The following TCP1 variants were observed in gnomAD, a reference collection of about 807,000 sequenced individuals.
TCP1 encodes the protein t-complex 1, also known as T-complex protein 1 subunit alpha.
A neutral mutation model predicts 54.7 loss-of-function variants in TCP1; 6 were observed. That is an observed-to-expected ratio of 0.11 (90% CI 0.06 to 0.22). The LOEUF (loss-of-function observed/expected upper bound fraction) is 0.22. Ranked by LOEUF, TCP1 falls within the 10% of genes least tolerant of loss-of-function variation. The pLI is 1.00. For missense variants in TCP1, 511 were observed against 678.2 expected (o/e 0.75, Z 2.74); for synonymous variants, 225 against 229.7 (o/e 0.98, Z 0.19).
At chr6:159,783,600 C>T (rs1031270719) in intron 7 of TCP1, among the ~76,000 whole-genome samples, 2 of 152,108 alleles carry the variant, frequency 1.3e-5, no homozygotes, top group African/African-American at 4.8e-5. Flanking sequence ...GCAATGGTCA[C>T]ACTACCTCCA....
chr6:159,789,346 C>A (rs1780791647), intron 1 of TCP1, 59 bp downstream of exon 1: 11 of 1,598,396 alleles, frequency 6.9e-6, no homozygotes, highest in Non-Finnish European at 9.4e-6. Context: ...GGGGTCCGGT[C>A]GCGGTGGGAC....
In TCP1 at chr6:159,778,821, A is replaced by T. The variant is rs1207053465; in HGVS notation, c.*224T>A. On this transcript the variant is annotated 3_prime_UTR_variant, in exon 12 of 12. Coordinates refer to ENST00000321394, the MANE Select transcript of TCP1 (RefSeq NM_030752.3). ...GATGGGAATAGCAATGTGTGTTCAG[A>T]GAGAATGAATTGCTTAAACTTTGAA... 6.2e-7 allele frequency: 1 copy of T among 1,614,220 alleles called. No individual in the cohort carries two copies.
chr6:159,780,680 A>G, intron 8 of TCP1, 114 bp from the exon 9 acceptor site: 1 of 1,393,476 alleles, frequency 7.2e-7, no homozygotes, highest in Non-Finnish European at 9.8e-7. Flanking sequence ...GAATTTAGTT[A>G]GGCAGCACAC....
chr6:159,780,355 G>C, intron 9 of TCP1, 88 bp downstream of exon 9: 1 of 1,579,540 alleles, frequency 6.3e-7, no homozygotes. Context: ...ATCACTGTGA[G>C]ACTACAAGCA....
chr6:159,788,023 T>C, intron 2 of TCP1, 35 bp downstream of exon 2: 1 of 1,610,682 alleles, frequency 6.2e-7, no homozygotes. Flanking sequence ...TAGTTTTACT[T>C]TAAGGAAACT....
intron 7 of TCP1, among the ~76,000 whole-genome samples, chr6:159,782,811 A>G (rs536221617): frequency 1.3e-5 from 2 of 152,322 alleles, no homozygotes; most frequent in South Asian, 4.1e-4. Flanking sequence ...TATCCTGGAG[A>G]GTATTATGAC....
chr6:159,780,911 T>G, intron 8 of TCP1, 24 bp downstream of exon 8: 1 of 1,566,712 alleles, frequency 6.4e-7, no homozygotes, highest in Non-Finnish European at 8.6e-7. Flanking sequence ...AAGTATTTTA[T>G]GTGACAGCCA....
chr6:159,783,993 C>T lies in TCP1; in HGVS notation c.745G>A (p.Gly249Ser). Reference protein sequence around the residue: ...FSLQKTKMKLGVQVVITDPEK... With the variant: ...FSLQKTKMKLSVQVVITDPEK... ...GGGTCTGTAATGACCACCTGTACAC[C>T]AAGCTTCATTTTTGTTTTTTGCAGG... Residue 249 changes from glycine (G) to serine (S), a missense_variant, in exon 7 of 12, where the codon GGT (glycine) becomes AGT (serine). Around this residue, in one of 5 missense-constraint regions of TCP1, gnomAD observed 305 missense variants for 352.8 expected, o/e 0.86. Transcript: ENST00000321394. The T allele has an allele frequency of 4.3e-6, 7 of 1,613,126 alleles. No individual in the cohort carries two copies. Among genetic ancestry groups the T allele is most frequent in the South Asian group, 2.2e-5 (2 of 91,006 alleles).
chr6:159,778,972 TTAATGTGTAA>T lies in TCP1; in HGVS notation c.*63_*72del. 6.4e-7 allele frequency: 1 copy of T among 1,563,794 alleles called. No individual in the cohort carries two copies. The highest frequency in any genetic ancestry group is 2.2e-5 in the East Asian group (1 of 44,464). ...CCAAGTTTACAGCTTGTACTTTACT[TTAATGTGTAA>T]TACTCAACTCAAGGTACAAGACAAT... On this transcript the variant is annotated 3_prime_UTR_variant, in exon 12 of 12. Coordinates refer to ENST00000321394, the MANE Select transcript of TCP1 (RefSeq NM_030752.3).
chr6:159,778,818 C>G lies in TCP1; in HGVS notation c.*227G>C, dbSNP rs377132796. ...TGGGATGGGAATAGCAATGTGTGTT[C>G]AGAGAGAATGAATTGCTTAAACTTT... On this transcript the variant is annotated 3_prime_UTR_variant, in exon 12 of 12. Coordinates refer to ENST00000321394, the MANE Select transcript of TCP1 (RefSeq NM_030752.3). 2.9e-5 allele frequency: 46 copies of G among 1,614,012 alleles called. No individual in the cohort carries two copies. The highest frequency in any genetic ancestry group is 3.7e-5 in the Non-Finnish European group (44 of 1,180,030).
chr6:159,784,315 T>A (rs1026303261), intron 6 of TCP1, among the ~76,000 whole-genome samples: 10 of 151,946 alleles, frequency 6.6e-5, no homozygotes, highest in Admixed American at 1.3e-4. Flanking sequence ...TTATTTTTTT[T>A]TTTTTTTGAG....
At position 159,789,557 on chromosome 6, in the gene TCP1, G is replaced by T. The variant is rs1780800862; in HGVS notation, c.-89C>A. Reference sequence around the variant, plus strand: ...CGGCCGACCGGCGACCACAGCAGTGGCTGCGACGGCGTGGAGCGTACCCGA... The same window carrying T: ...CGGCCGACCGGCGACCACAGCAGTGTCTGCGACGGCGTGGAGCGTACCCGA... On this transcript the variant is annotated 5_prime_UTR_variant, in exon 1 of 12. Transcript: ENST00000321394. The T allele has an allele frequency of 1.3e-6, 2 of 1,485,852 alleles. No individual in the cohort carries two copies. The highest frequency in any genetic ancestry group is 1.9e-6 in the Non-Finnish European group (2 of 1,076,828). 92.0% of individuals were successfully genotyped at this position (1,485,852 alleles called of 1,614,324 possible).
chr6:159,778,813 G>C lies in TCP1; in HGVS notation c.*232C>G. On this transcript the variant is annotated 3_prime_UTR_variant, in exon 12 of 12. Coordinates refer to ENST00000321394, the MANE Select transcript of TCP1 (RefSeq NM_030752.3). ...GGGGGTGGGATGGGAATAGCAATGTGTGTTCAGAGAGAATGAATTGCTTAA... is the reference window on the plus strand; with the variant it reads ...GGGGGTGGGATGGGAATAGCAATGTCTGTTCAGAGAGAATGAATTGCTTAA... 1 of 1,614,180 alleles carries C rather than the reference G, an allele frequency of 6.2e-7. No homozygotes were observed. Among genetic ancestry groups the C allele is most frequent in the Non-Finnish European group, 8.5e-7 (1 of 1,180,036 alleles).
At chr6:159,787,343 G>C (rs901246116) in intron 3 of TCP1, among the ~76,000 whole-genome samples, 2 of 152,128 alleles carry the variant, frequency 1.3e-5, no homozygotes, top group African/African-American at 2.4e-5. Flanking sequence ...AAGTCTCAAG[G>C]GGTGATGGGG....
intron 1 of TCP1, chr6:159,789,171 C>T (rs1338279261): frequency 1.7e-5 from 9 of 523,084 alleles, no homozygotes; most frequent in Non-Finnish European, 2.7e-5. Flanking sequence ...ACCACATCCA[C>T]GCGTTGCCGG....
Position 159,787,875 on chromosome 6 carries a change from A to C in TCP1, c.151-4T>G, listed in dbSNP as rs1357527172. The stretch of plus-strand genomic sequence containing the variant: ...CATCGTTAGTAATGGTTACATCCTA[A>C]GAAATTCGCAGGAAAAAATATGAAC... On this transcript the variant is annotated splice_region_variant and splice_polypyrimidine_tract_variant and intron_variant, in intron 2 of 11. Coordinates refer to ENST00000321394, the MANE Select transcript of TCP1 (RefSeq NM_030752.3). 37 of 1,613,518 alleles carry C rather than the reference A, an allele frequency of 2.3e-5. No individual in the cohort carries two copies. The highest frequency in any genetic ancestry group is 3.0e-5 in the Non-Finnish European group (35 of 1,179,462).
chr6:159,780,511 T>G lies in TCP1; in HGVS notation c.1029A>C (p.Ala343=), dbSNP rs1277904278. 1 of 1,614,112 alleles carries G rather than the reference T, an allele frequency of 6.2e-7. No homozygotes were observed. ...NLEGEETFEA[A]MLGQAEEVVQ... is the part of the protein sequence containing the mutation. Reference sequence around the variant, plus strand: ...CCACTTCTTCTGCCTGTCCCAACATTGCAGCTTCAAAAGTTTCTTCACCTT... The same window carrying G: ...CCACTTCTTCTGCCTGTCCCAACATGGCAGCTTCAAAAGTTTCTTCACCTT... The change falls in exon 9 of 12, where the codon GCA becomes GCC. Residue 343 remains alanine, a synonymous_variant. Coordinates refer to ENST00000321394, the MANE Select transcript of TCP1 (RefSeq NM_030752.3).
At position 159,781,114 on chromosome 6, in the gene TCP1, CA is replaced by C; in HGVS notation, c.798-5del. On this transcript the variant is annotated splice_polypyrimidine_tract_variant and splice_region_variant and intron_variant, in intron 7 of 11. Coordinates refer to ENST00000321394, the MANE Select transcript of TCP1 (RefSeq NM_030752.3). ...CTCCTTGGTGATATCTGATTCTCTG[CA>C]AAGTATTTTTGTAACCTGAGTTACC... 1 of 1,576,106 alleles carries C rather than the reference CA, an allele frequency of 6.3e-7. No individual in the cohort carries two copies. Among genetic ancestry groups the C allele is most frequent in the Non-Finnish European group, 8.6e-7 (1 of 1,166,228 alleles).
chr6:159,786,593 T>A (rs1225901798), intron 3 of TCP1, among the ~76,000 whole-genome samples: 1 of 152,232 alleles, frequency 6.6e-6, no homozygotes, highest in Non-Finnish European at 1.5e-5. Context: ...CACTAAGAAA[T>A]ATTTTTAAAG....
Sources: allele counts gnomAD v4.1 joint callset (sites outside exome capture counted in the v4.1 genomes callset), GRCh38; gene constraint gnomAD v4.1.1; regional missense constraint gnomAD v4.1.1; transcripts MANE v1.5; gene names NCBI Gene and HGNC (gene_info 2026-07-23, HGNC 2026-07-21).